The following STK3 variants were observed in gnomAD, a reference collection of about 807,000 sequenced individuals.
STK3 encodes the protein serine/threonine-protein kinase 3.
Under a neutral mutation model 58.0 loss-of-function variants are expected in STK3, and 41 were observed. The ratio of observed to expected loss-of-function variants is 0.71; its 90% CI spans 0.55 to 0.92. The LOEUF is 0.92. Ranked by LOEUF, STK3 falls within the 40% of genes least tolerant of loss-of-function variation. The pLI, the probability that STK3 is intolerant of heterozygous loss-of-function variation, is 0.00. For synonymous variants in STK3, 170 were observed against 191.0 expected (o/e 0.89, Z 0.91); for missense variants, 479 against 602.7 (o/e 0.79, Z 2.15).
At chr8:98,388,436 G>C (rs2131009419), upstream of STK3, among the ~76,000 whole-genome samples, 1 of 152,280 alleles carries the variant, frequency 6.6e-6, no homozygotes, top group Middle Eastern at 3.4e-3. Context: ...ATGATGAAAA[G>C]AGAGATGACC....
intron 1 of STK3, among the ~76,000 whole-genome samples, chr8:98,906,009 T>C (rs1190262794): frequency 2.0e-5 from 3 of 152,154 alleles, no homozygotes; most frequent in Admixed American, 6.5e-5. Flanking sequence ...AACTCAGAGA[T>C]TGGCACACGT....
chr8:98,674,469 G>C (rs1448793597), intron 6 of STK3, among the ~76,000 whole-genome samples: 1 of 152,020 alleles, frequency 6.6e-6, no homozygotes, highest in African/African-American at 2.4e-5. Flanking sequence ...ATTTTAAAAA[G>C]ACAAAATCAT....
Position 98,634,906 on chromosome 8 carries a change from G to A in STK3, c.685-38737C>T, listed in dbSNP as rs931221156. ...CAAGTAGCTGGGACTACAGGCATGC[G>A]TTTTTATACTATTTTGAGAGAATTC... On this transcript the variant is annotated intron_variant, in intron 6 of 10. Coordinates refer to ENST00000419617, the MANE Select transcript of STK3 (RefSeq NM_006281.4). Among the ~76,000 whole-genome samples the A allele has an allele frequency of 3.3e-5, 5 of 151,882 alleles. No individual in the cohort carries two copies. The East Asian group carries it at 5.8e-4, about 18-fold the overall frequency.
chr8:98,737,309 C>A (rs944047090), intron 4 of STK3, among the ~76,000 whole-genome samples: 2 of 152,068 alleles, frequency 1.3e-5, no homozygotes, highest in Non-Finnish European at 2.9e-5. Flanking sequence ...AATGAGTAAA[C>A]CAGTATCTGA....
chr8:98,680,594 C>G (rs1823560213), intron 6 of STK3, among the ~76,000 whole-genome samples: 1 of 152,160 alleles, frequency 6.6e-6, no homozygotes, highest in African/African-American at 2.4e-5. Context: ...AAAGAACTAA[C>G]TATAAACTGT....
chr8:98,556,384 C>T (rs1811590451), intron 8 of STK3, among the ~76,000 whole-genome samples: 1 of 152,012 alleles, frequency 6.6e-6, no homozygotes, highest in Non-Finnish European at 1.5e-5. Flanking sequence ...AAGATAAATA[C>T]ATGAGTAAAC....
At chr8:98,383,020 C>G (rs1817753899) in intron 1 of STK3, among the ~76,000 whole-genome samples, 1 of 152,212 alleles carries the variant, frequency 6.6e-6, no homozygotes, top group African/African-American at 2.4e-5. Flanking sequence ...CGTGAGGGCT[C>G]TGCCTGCTCC....
the STK3 span, among the ~76,000 whole-genome samples, chr8:98,358,049 G>A: frequency 1.9e-4 from 29 of 152,248 alleles, no homozygotes; most frequent in South Asian, 4.8e-3. Context: ...CGAGGGGATG[G>A]GGAAGGGCAG....
At chr8:98,885,134 C>T (rs778971743) in intron 1 of STK3, among the ~76,000 whole-genome samples, 2 of 152,192 alleles carry the variant, frequency 1.3e-5, no homozygotes, top group African/African-American at 4.8e-5. Context: ...GCCTTAGGGA[C>T]TTGAACAAAC....
chr8:98,507,474 C>T (rs1054048214), intron 10 of STK3, among the ~76,000 whole-genome samples: 9 of 152,186 alleles, frequency 5.9e-5, no homozygotes, highest in Non-Finnish European at 1.0e-4. Context: ...GCTCTTTGCC[C>T]GGATGACTGC....
At chr8:98,895,332 C>T (rs909482876) in intron 1 of STK3, among the ~76,000 whole-genome samples, 1 of 152,170 alleles carries the variant, frequency 6.6e-6, no homozygotes, top group Non-Finnish European at 1.5e-5. Flanking sequence ...AAACCACACA[C>T]TGACTGACAA....
chr8:98,346,967 A>G, the STK3 span, among the ~76,000 whole-genome samples: 1 of 151,886 alleles, frequency 6.6e-6, no homozygotes, highest in East Asian at 1.9e-4. Flanking sequence ...AAAAATAATA[A>G]TAATGTATTG....
chr8:98,394,060 G>C (rs907907182), intron 3 of STK3, among the ~76,000 whole-genome samples: 9 of 152,162 alleles, frequency 5.9e-5, no homozygotes, highest in Non-Finnish European at 1.2e-4. Flanking sequence ...AGGAAGGGAT[G>C]GGGGTGGAGT....
chr8:98,374,503 A>G (rs1242320014), intron 2 of STK3, among the ~76,000 whole-genome samples: 1 of 152,264 alleles, frequency 6.6e-6, no homozygotes, highest in African/African-American at 2.4e-5. Flanking sequence ...TTCTGGCAGT[A>G]GCTTAGCCCT....
At chr8:98,938,917 C>G (rs1207097845) in intron 1 of STK3, among the ~76,000 whole-genome samples, 1 of 151,978 alleles carries the variant, frequency 6.6e-6, no homozygotes, top group African/African-American at 2.4e-5. Context: ...TGAGGTGCGA[C>G]ATTTCCGGAA....
chr8:98,923,338 G>A (rs1839645168), intron 1 of STK3, among the ~76,000 whole-genome samples: 3 of 152,168 alleles, frequency 2.0e-5, no homozygotes, highest in African/African-American at 4.8e-5. Context: ...TGAAACAAGA[G>A]TAATAAAATT....
At chr8:98,804,977 C>A (rs1833811251) in intron 1 of STK3, among the ~76,000 whole-genome samples, 1 of 152,180 alleles carries the variant, frequency 6.6e-6, no homozygotes, top group Non-Finnish European at 1.5e-5. Context: ...TCTTCCTAAT[C>A]TTCTAAATGT....
At chr8:98,583,591 T>A (rs1814133531) in intron 7 of STK3, among the ~76,000 whole-genome samples, 1 of 152,196 alleles carries the variant, frequency 6.6e-6, no homozygotes, top group South Asian at 2.1e-4. Flanking sequence ...ACCTTTTCAA[T>A]AAGCTCTTCT....
chr8:98,351,502 T>C, the STK3 span, among the ~76,000 whole-genome samples: 1 of 152,208 alleles, frequency 6.6e-6, no homozygotes, highest in Non-Finnish European at 1.5e-5. Context: ...TCTAATTCTA[T>C]CATCCTCTGT....
Sources: allele counts gnomAD v4.1 joint callset (sites outside exome capture counted in the v4.1 genomes callset), GRCh38; gene constraint gnomAD v4.1.1; transcripts MANE v1.5; gene names NCBI Gene and HGNC (gene_info 2026-07-23, HGNC 2026-07-21).